The following DMD variants were observed in gnomAD, a reference collection of about 807,000 sequenced individuals.
The protein encoded by DMD is dystrophin, also known as mutant dystrophin.
DMD carries 63 observed loss-of-function variants against 330.1 expected under a neutral mutation model. That is an observed-to-expected ratio of 0.19 (90% CI 0.16 to 0.24). DMD has a LOEUF of 0.24. Ranked by LOEUF, DMD falls within the 10% of genes least tolerant of loss-of-function variation. DMD has a pLI of 1.00. For synonymous variants in DMD, 1,223 were observed against 959.8 expected (o/e 1.27, Z -5.07); for missense variants, 3,344 against 2,684.1 (o/e 1.25, Z -5.43).
chrX:31,360,441 C>A (rs1419475250), intron 60 of DMD, among the ~76,000 whole-genome samples: 2 of 111,774 alleles, frequency 1.8e-5, no homozygotes, highest in Non-Finnish European at 3.8e-5. Context: ...CAAATGTGAT[C>A]GCAGTTTTTG....
At chrX:32,848,994 T>C (rs1385777150) in intron 3 of DMD, among the ~76,000 whole-genome samples, 1 of 111,177 alleles carries the variant, frequency 9.0e-6, no homozygotes, top group Non-Finnish European at 1.9e-5. Flanking sequence ...TGTGTGTCTG[T>C]GTGTGTATGT....
At chrX:31,582,779 C>T (rs2076400264) in intron 55 of DMD, among the ~76,000 whole-genome samples, 1 of 111,784 alleles carries the variant, frequency 8.9e-6, no homozygotes, top group African/African-American at 3.2e-5. Flanking sequence ...ATCAGGTATG[C>T]TTGACTTCAC....
chrX:31,366,507 A>AAAAAT (rs1556574494), intron 60 of DMD, among the ~76,000 whole-genome samples: 5 of 85,897 alleles, frequency 5.8e-5, no homozygotes, highest in East Asian at 4.1e-4. Context: ...CATAAAAAAA[A>AAAAAT]AAATAAATAA....
intron 62 of DMD, among the ~76,000 whole-genome samples, chrX:31,286,104 G>A (rs1356720410): frequency 8.9e-6 from 1 of 111,954 alleles, no homozygotes; most frequent in Non-Finnish European, 1.9e-5. Context: ...ATATTTTGAT[G>A]CTGTTTTTGC....
intron 1 of DMD, among the ~76,000 whole-genome samples, chrX:33,140,860 C>T (rs891371320): frequency 2.8e-4 from 31 of 111,443 alleles, no homozygotes; most frequent in African/African-American, 1.0e-3. Flanking sequence ...AAAAACTAGC[C>T]GTGGCATACA....
chrX:32,486,155 C>G (rs1334094286), intron 20 of DMD, among the ~76,000 whole-genome samples: 2 of 111,129 alleles, frequency 1.8e-5, no homozygotes, highest in African/African-American at 6.5e-5. Context: ...ATGATAAAAT[C>G]ACATGAACAC....
rs1025045112 is a variant in DMD at position 33,118,142 on chromosome X, G to C, written c.31+93140C>G. 4.2e-3 allele frequency among the ~76,000 whole-genome samples: 400 copies of C among 95,606 alleles called. 1 individual carries two copies. Among genetic ancestry groups the C allele is most frequent in the Non-Finnish European group, 6.3e-3 (306 of 48,910 alleles). 83.0% of individuals were successfully genotyped at this position (95,606 alleles called of 115,157 possible). On this transcript the variant is annotated intron_variant, in intron 1 of 78. Coordinates refer to ENST00000357033, the MANE Select transcript of DMD (RefSeq NM_004006.3). ...TTTTTTTTTTTTGAGACGGAGTCTC[G>C]CTCTGTCGCCCAGGCTGGAGTGCAG...
At chrX:32,531,036 A>G (rs993012386) in intron 17 of DMD, among the ~76,000 whole-genome samples, 5 of 111,968 alleles carry the variant, frequency 4.5e-5, no homozygotes, top group Admixed American at 1.9e-4. Context: ...CTTGTCTTCA[A>G]TTTGGCTTCT....
At chrX:32,265,551 GT>G (rs2097340944) in intron 43 of DMD, among the ~76,000 whole-genome samples, 1 of 111,852 alleles carries the variant, frequency 8.9e-6, no homozygotes, top group Admixed American at 9.5e-5. Context: ...GATCCACCGT[GT>G]GCATGGAACA....
chrX:32,962,648 T>G (rs956294384), intron 2 of DMD, among the ~76,000 whole-genome samples: 1 of 111,438 alleles, frequency 9.0e-6, no homozygotes, highest in South Asian at 3.8e-4. Flanking sequence ...TATGGGAAGG[T>G]TGAAGAATTT....
chrX:32,577,474 A>C (rs1223923456), intron 13 of DMD, among the ~76,000 whole-genome samples: 2 of 112,674 alleles, frequency 1.8e-5, no homozygotes, highest in Non-Finnish European at 3.7e-5. Context: ...AACCCGTTAA[A>C]GAATTGCAAA....
At chrX:31,935,714 G>A (rs2094914267) in intron 45 of DMD, among the ~76,000 whole-genome samples, 1 of 110,836 alleles carries the variant, frequency 9.0e-6, no homozygotes, top group African/African-American at 3.3e-5. Flanking sequence ...TAGACACATT[G>A]GCAAGGCTTT....
chrX:31,927,530 T>G (rs1383085762), intron 47 of DMD, among the ~76,000 whole-genome samples: 1 of 112,033 alleles, frequency 8.9e-6, no homozygotes, highest in African/African-American at 3.2e-5. Context: ...TCATTTGTAT[T>G]GTTATGTAGC....
At chrX:32,922,337 A>G (rs1009475987) in intron 2 of DMD, among the ~76,000 whole-genome samples, 1 of 111,970 alleles carries the variant, frequency 8.9e-6, no homozygotes, top group Non-Finnish European at 1.9e-5. Flanking sequence ...TTCAGGTATC[A>G]CATTTGCAGT....
intron 51 of DMD, among the ~76,000 whole-genome samples, chrX:31,733,314 T>A (rs2086644473): frequency 8.9e-6 from 1 of 111,809 alleles, no homozygotes; most frequent in Non-Finnish European, 1.9e-5. Flanking sequence ...TTTTATTGTA[T>A]TCATTAAAAT....
At chrX:32,731,010 T>A (rs1352676570) in intron 7 of DMD, among the ~76,000 whole-genome samples, 1 of 111,520 alleles carries the variant, frequency 9.0e-6, no homozygotes, top group Non-Finnish European at 1.9e-5. Context: ...CAGGTTCATC[T>A]CACTAGGGAG....
At chrX:32,448,682 T>A (rs1272197567) in intron 26 of DMD, 44 bp from the exon 27 acceptor site, 1 of 1,089,387 alleles carries the variant, frequency 9.2e-7, no homozygotes, top group Admixed American at 2.6e-5. Flanking sequence ...AAAATAACTT[T>A]ACATCCAAAA....
Position 33,269,702 on chromosome X carries a change from C to T in DMD, c.7+69557G>A, listed in dbSNP as rs192522580. The stretch of plus-strand genomic sequence containing the variant: ...AAAATTTAATTGGGGTGATATAATA[C>T]AATGTGGTTTGTTTAGTAGTAGATT... On this transcript the variant is annotated intron_variant, in intron 1 of 17. Coordinates refer to the DMD transcript ENST00000288447. 1.1e-4 allele frequency among the ~76,000 whole-genome samples: 12 copies of T among 111,012 alleles called. No individual in the cohort carries two copies. The South Asian group carries it at 2.3e-3, about 21-fold the overall frequency.
chrX:32,033,623 A>C (rs866308646), intron 44 of DMD, among the ~76,000 whole-genome samples: 1 of 58,348 alleles, frequency 1.7e-5, no homozygotes, highest in African/African-American at 1.0e-4. Context: ...GAAAGAAAGA[A>C]AGAAAGAAAG....
Sources: gnomAD v4.1 joint callset for allele counts (sites outside exome capture counted in the v4.1 genomes callset) on GRCh38, gnomAD v4.1.1 for gene constraint, MANE v1.5 for transcripts, NCBI Gene and HGNC (gene_info 2026-07-23, HGNC 2026-07-21) for gene names.